Variants in PHKA2 observed in about 807,000 individuals in gnomAD.
PHKA2 encodes the protein phosphorylase kinase regulatory subunit alpha 2.
A neutral mutation model predicts 102.0 loss-of-function variants in PHKA2; 31 were observed. That is an observed-to-expected ratio of 0.30 (90% CI 0.23 to 0.41). The LOEUF (loss-of-function observed/expected upper bound fraction) is 0.41. Among genes scored for constraint, PHKA2 ranks in the 10% least tolerant of loss-of-function variants. The probability of loss-of-function intolerance (pLI) is 1.00; values close to 1 mark genes in which losing one functional copy is unlikely to be tolerated. For missense variants in PHKA2, 858 were observed against 1,023.1 expected (o/e 0.84, Z 2.20); for synonymous variants, 455 against 416.2 (o/e 1.09, Z -1.13).
chrX:18,954,074 A>T (rs753684337), intron 2 of PHKA2, among the ~76,000 whole-genome samples, 180 bp downstream of exon 2: 18 of 112,045 alleles, frequency 1.6e-4, no homozygotes, highest in Non-Finnish European at 3.2e-4. Flanking sequence ...TCCAAACTCA[A>T]ACAGAAAGAC....
At chrX:18,936,889 C>T (rs1036615518) in intron 10 of PHKA2, among the ~76,000 whole-genome samples, 3 of 112,113 alleles carry the variant, frequency 2.7e-5, no homozygotes, top group Non-Finnish European at 5.6e-5. Flanking sequence ...ATCAACAAGA[C>T]GCTAAACACA....
chrX:18,973,284 T>G (rs867988764), intron 1 of PHKA2, among the ~76,000 whole-genome samples: 1 of 112,080 alleles, frequency 8.9e-6, no homozygotes, highest in African/African-American at 3.2e-5. Context: ...GGATTACAGG[T>G]GTGAGCCACC....
At chrX:18,934,178 G>A (rs2048357866) in intron 11 of PHKA2, among the ~76,000 whole-genome samples, 3 of 111,971 alleles carry the variant, frequency 2.7e-5, no homozygotes, top group Admixed American at 9.4e-5. Flanking sequence ...AGCCCCCACT[G>A]CCAGCCCTGC....
intron 1 of PHKA2, among the ~76,000 whole-genome samples, chrX:18,958,550 ATGGATG>A (rs1215678708): frequency 9.5e-6 from 1 of 105,384 alleles, no homozygotes; most frequent in Non-Finnish European, 2.0e-5. Context: ...TGTCAGTCTG[ATGGATG>A]TAAAGTGATA....
At chrX:18,976,484 G>A (rs942394739) in intron 1 of PHKA2, among the ~76,000 whole-genome samples, 1 of 111,224 alleles carries the variant, frequency 9.0e-6, no homozygotes, top group African/African-American at 3.3e-5. Flanking sequence ...TTCCTTATCC[G>A]TTTTTGCTTT....
In PHKA2 at chrX:18,972,749, A is replaced by C. The variant is rs767302075; in HGVS notation, c.78+11106T>G. Among the ~76,000 whole-genome samples the C allele has an allele frequency of 1.1e-4, 12 of 111,721 alleles. No individual in the cohort carries two copies. In the South Asian group the frequency reaches 3.4e-3, roughly 31 times the overall value. ...TGGGAAGCTTGCTTGAAAAATGGAA[A>C]ACTCTAGTTCCAGTCACTTTGGGTT... On this transcript the variant is annotated intron_variant, in intron 1 of 32. Coordinates refer to ENST00000379942, the MANE Select transcript of PHKA2 (RefSeq NM_000292.3).
At chrX:18,933,224 C>G (rs898275537) in intron 11 of PHKA2, among the ~76,000 whole-genome samples, 7 of 112,408 alleles carry the variant, frequency 6.2e-5, no homozygotes, top group African/African-American at 2.3e-4. Context: ...CACCCATGAG[C>G]CACCTCCTGC....
At chrX:18,900,225 G>A in intron 28 of PHKA2, among the ~76,000 whole-genome samples, 1 of 111,369 alleles carries the variant, frequency 9.0e-6, no homozygotes, top group African/African-American at 3.3e-5. Flanking sequence ...GAGGGGGGTG[G>A]AGAACATATG....
intron 1 of PHKA2, among the ~76,000 whole-genome samples, chrX:18,963,304 C>T (rs1446378596): frequency 1.8e-5 from 2 of 112,376 alleles, no homozygotes; most frequent in East Asian, 2.8e-4. Flanking sequence ...CTGAGAGCCA[C>T]GCTAAGTCAG....
At chrX:18,921,888 A>G (rs1300337060) in intron 17 of PHKA2, among the ~76,000 whole-genome samples, 3 of 112,809 alleles carry the variant, frequency 2.7e-5, no homozygotes, top group Admixed American at 9.4e-5. Context: ...CACATTGAAT[A>G]CACGGCCAGT....
At chrX:18,981,248 G>A (rs1198696652) in intron 1 of PHKA2, among the ~76,000 whole-genome samples, 2 of 111,177 alleles carry the variant, frequency 1.8e-5, no homozygotes, top group African/African-American at 6.6e-5. Context: ...ACTTGTGGGC[G>A]CATGGCATTT....
chrX:18,901,657 G>T, intron 26 of PHKA2, 54 bp from the exon 27 acceptor site: 1 of 839,001 alleles, frequency 1.2e-6, no homozygotes, highest in Non-Finnish European at 1.8e-6. Flanking sequence ...CATCCAACCC[G>T]AGGCAGGATC....
chrX:18,910,995 G>A (rs369010685), intron 19 of PHKA2, 35 bp from the exon 20 acceptor site: 1 of 909,901 alleles, frequency 1.1e-6, no homozygotes, highest in Admixed American at 2.6e-5. Flanking sequence ...GTTATTCTGA[G>A]GAGGAAGAAC....
At chrX:18,958,496 C>A (rs946118116) in intron 1 of PHKA2, among the ~76,000 whole-genome samples, 31 of 111,477 alleles carry the variant, frequency 2.8e-4, no homozygotes, top group Admixed American at 8.6e-4. Flanking sequence ...ATTTTCATAA[C>A]TATTCGCTAT....
At chrX:18,912,610 TAA>T (rs750621560) in intron 19 of PHKA2, among the ~76,000 whole-genome samples, 5 of 87,872 alleles carry the variant, frequency 5.7e-5, no homozygotes, top group Admixed American at 1.3e-4. Context: ...CTACTAAAAT[TAA>T]AAAAAAAAAA....
intron 17 of PHKA2, among the ~76,000 whole-genome samples, chrX:18,920,634 T>G (rs2031307243): frequency 8.9e-6 from 1 of 112,190 alleles, no homozygotes; most frequent in Non-Finnish European, 1.9e-5. Flanking sequence ...CACGAAACAC[T>G]GTCACACAGG....
At chrX:18,931,441 C>T (rs2048313412) in intron 12 of PHKA2, among the ~76,000 whole-genome samples, 200 bp downstream of exon 12, 1 of 111,520 alleles carries the variant, frequency 9.0e-6, no homozygotes, top group Admixed American at 9.5e-5. Flanking sequence ...CCCTCATGGA[C>T]CTGAGCTGGT....
chrX:18,908,354 A>G (rs1474665902), intron 21 of PHKA2, among the ~76,000 whole-genome samples: 1 of 112,521 alleles, frequency 8.9e-6, no homozygotes, highest in African/African-American at 3.2e-5. Context: ...GAATATAATC[A>G]TGACCTGGGC....
chrX:18,894,982 CCA>C (rs986917348), intron 31 of PHKA2, 154 bp downstream of exon 31: 2 of 557,525 alleles, frequency 3.6e-6, no homozygotes, highest in Non-Finnish European at 6.3e-6. Flanking sequence ...GACATTTTTG[CCA>C]AATATGAGGG....
Sources: allele counts gnomAD v4.1 joint callset (sites outside exome capture counted in the v4.1 genomes callset), GRCh38; gene constraint gnomAD v4.1.1; transcripts MANE v1.5; gene names NCBI Gene and HGNC (gene_info 2026-07-23, HGNC 2026-07-21).